Variants in RFWD3 observed in about 807,000 individuals in gnomAD.
RFWD3 encodes E3 ubiquitin-protein ligase RFWD3.
In RFWD3, 65 loss-of-function variants were observed where a neutral mutation model predicts 87.7. The ratio of observed to expected loss-of-function variants is 0.74; its 90% CI spans 0.61 to 0.91. RFWD3 has a LOEUF of 0.91. Ranked by LOEUF, RFWD3 falls within the 40% of genes least tolerant of loss-of-function variation. RFWD3 has a pLI of 0.00. For synonymous variants in RFWD3, 433 were observed against 352.8 expected (o/e 1.23, Z -2.55); for missense variants, 1,078 against 938.5 (o/e 1.15, Z -1.94).
chr16:74,633,487 G>A lies in RFWD3; in HGVS notation c.1427-814C>T, dbSNP rs140637217. On this transcript the variant is annotated intron_variant, in intron 8 of 12. Transcript: ENST00000361070. ...TATATACAATAAAAAATTATGCAGCGAGAAAGAAGTCAGACCAAAAAATGG... is the reference window on the plus strand; with the variant it reads ...TATATACAATAAAAAATTATGCAGCAAGAAAGAAGTCAGACCAAAAAATGG... 2.4e-4 allele frequency among the ~76,000 whole-genome samples: 36 copies of A among 152,050 alleles called. No individual in the cohort carries two copies. In the East Asian group the frequency reaches 5.6e-3, roughly 24 times the overall value.
chr16:74,664,729 A>T (rs1007459409), intron 1 of RFWD3: 1 of 149,940 alleles, frequency 6.7e-6, no homozygotes. Flanking sequence ...AGACCGGGAG[A>T]GAGAGTAAGA....
chr16:74,646,453 CGT>C (rs915503421), intron 4 of RFWD3, among the ~76,000 whole-genome samples: 3 of 152,154 alleles, frequency 2.0e-5, no homozygotes, highest in Non-Finnish European at 4.4e-5. Flanking sequence ...ACAACACAGG[CGT>C]GTGCCACCAT....
chr16:74,631,629 GGGTAT>G (rs1410632505), intron 9 of RFWD3, among the ~76,000 whole-genome samples: 4 of 152,212 alleles, frequency 2.6e-5, no homozygotes, highest in African/African-American at 7.2e-5. Flanking sequence ...CTGTGACTAA[GGGTAT>G]AAAAGAAGTC....
chr16:74,644,087 G>T, intron 6 of RFWD3: 1 of 500,348 alleles, frequency 2.0e-6, no homozygotes, highest in Non-Finnish European at 3.6e-6. Context: ...GCGGGGGGTG[G>T]TCAGGGATAT....
At chr16:74,626,817 AT>A (rs1480515340) in intron 11 of RFWD3, among the ~76,000 whole-genome samples, 2 of 1,800 alleles carry the variant, frequency 1.1e-3, no homozygotes, top group Non-Finnish European at 1.9e-3. Context: ...GAGAAAAACA[AT>A]TCTGTGAGTT....
At chr16:74,624,647 T>C (rs1412917034) in intron 12 of RFWD3, among the ~76,000 whole-genome samples, 3 of 152,212 alleles carry the variant, frequency 2.0e-5, no homozygotes, top group African/African-American at 7.2e-5. Context: ...TCCACCCACC[T>C]TGGCCTCCCA....
At chr16:74,640,801 TGGTGGCGG>T (rs1167894813) in intron 6 of RFWD3, among the ~76,000 whole-genome samples, 1 of 151,846 alleles carries the variant, frequency 6.6e-6, no homozygotes, top group Non-Finnish European at 1.5e-5. Flanking sequence ...TAGCCAGGCG[TGGTGGCGG>T]GTGCCTGTAG....
chr16:74,643,668 T>C (rs1483226757), intron 6 of RFWD3, among the ~76,000 whole-genome samples: 1 of 41,198 alleles, frequency 2.4e-5, no homozygotes, highest in Admixed American at 2.4e-4. Flanking sequence ...TACTAGCAAC[T>C]GTTTTTTTTT....
intron 6 of RFWD3, among the ~76,000 whole-genome samples, chr16:74,639,463 G>A (rs1245142418): frequency 6.6e-6 from 1 of 152,218 alleles, no homozygotes; most frequent in South Asian, 2.1e-4. Flanking sequence ...TGCAGCACGT[G>A]ACTGTAAAGT....
At chr16:74,663,661 A>C (rs891708984) in intron 1 of RFWD3, among the ~76,000 whole-genome samples, 2 of 152,236 alleles carry the variant, frequency 1.3e-5, no homozygotes, top group Non-Finnish European at 2.9e-5. Flanking sequence ...AAGAAAGGAT[A>C]AATTAACCAG....
At chr16:74,632,902 G>A (rs561590351) in intron 8 of RFWD3, among the ~76,000 whole-genome samples, 3 of 152,212 alleles carry the variant, frequency 2.0e-5, no homozygotes, top group South Asian at 2.1e-4. Flanking sequence ...TCTGCCTCCC[G>A]GTGATCTGCT....
intron 4 of RFWD3, 127 bp downstream of exon 4, chr16:74,649,005 C>T (rs1960377737): frequency 8.1e-6 from 4 of 493,808 alleles, no homozygotes; most frequent in Admixed American, 8.1e-5. Flanking sequence ...TCCTTTGAGC[C>T]CAGGAGTTTG....
chr16:74,630,122 G>C (rs543026648), intron 10 of RFWD3, among the ~76,000 whole-genome samples: 13 of 151,138 alleles, frequency 8.6e-5, no homozygotes, highest in Non-Finnish European at 1.5e-4. Context: ...TTGAGATGGC[G>C]TCTCACTCTG....
chr16:74,645,888 G>A (rs1003787880), intron 4 of RFWD3, among the ~76,000 whole-genome samples: 3 of 151,328 alleles, frequency 2.0e-5, no homozygotes, highest in Non-Finnish European at 2.9e-5. Context: ...GAGTAGCTGG[G>A]ACTACAGGCG....
At chr16:74,639,127 C>T (rs141461191) in intron 6 of RFWD3, among the ~76,000 whole-genome samples, 1 of 151,802 alleles carries the variant, frequency 6.6e-6, no homozygotes, top group Non-Finnish European at 1.5e-5. Flanking sequence ...CTACCTCCGC[C>T]CCCCGGGTTC....
chr16:74,641,914 C>T (rs1362240355), intron 6 of RFWD3, among the ~76,000 whole-genome samples: 3 of 41,880 alleles, frequency 7.2e-5, no homozygotes, highest in Non-Finnish European at 1.3e-4. Flanking sequence ...GCAACAAGAG[C>T]AAAACTCCGT....
chr16:74,636,964 C>A (rs538497039), intron 7 of RFWD3, among the ~76,000 whole-genome samples: 1 of 151,912 alleles, frequency 6.6e-6, no homozygotes, highest in South Asian at 2.1e-4. Flanking sequence ...CCACCCGCCT[C>A]GGCCGCCCAA....
intron 6 of RFWD3, among the ~76,000 whole-genome samples, chr16:74,641,856 G>A (rs1485596509): frequency 6.9e-6 from 1 of 144,604 alleles, no homozygotes; most frequent in Non-Finnish European, 1.5e-5. Flanking sequence ...AACCTGGGAG[G>A]CGGGAAGTTG....
At chr16:74,626,663 T>G in intron 11 of RFWD3, 109 bp from the exon 12 acceptor site, 1 of 752,730 alleles carries the variant, frequency 1.3e-6, no homozygotes, top group Admixed American at 2.6e-5. Flanking sequence ...AAGCCATAAA[T>G]GCATTAAACC....
Sources: gnomAD v4.1 joint callset for allele counts (sites outside exome capture counted in the v4.1 genomes callset) on GRCh38, gnomAD v4.1.1 for gene constraint, MANE v1.5 for transcripts, NCBI Gene and HGNC (gene_info 2026-07-23, HGNC 2026-07-21) for gene names.